Variants in ZC3H12B observed in about 807,000 individuals in gnomAD.
ZC3H12B encodes the protein probable ribonuclease ZC3H12B.
In ZC3H12B, 7 loss-of-function variants were observed where a neutral mutation model predicts 43.9. That is an observed-to-expected ratio of 0.16 (90% CI 0.09 to 0.30). ZC3H12B has a LOEUF of 0.30. ZC3H12B is among the 10% of genes least tolerant of loss of function. The pLI, the probability that ZC3H12B is intolerant of heterozygous loss-of-function variation, is 1.00. For synonymous variants in ZC3H12B, 222 were observed against 241.7 expected (o/e 0.92, Z 0.76); for missense variants, 475 against 670.2 (o/e 0.71, Z 3.22).
chrX:65,435,526 G>T (rs1199109546), intron 3 of ZC3H12B, among the ~76,000 whole-genome samples: 1 of 111,459 alleles, frequency 9.0e-6, no homozygotes, highest in African/African-American at 3.3e-5. Flanking sequence ...TAGAGAGCCA[G>T]TTCTAAAAAT....
intron 3 of ZC3H12B, among the ~76,000 whole-genome samples, chrX:65,459,679 A>C (rs940145319): frequency 8.9e-6 from 1 of 111,869 alleles, no homozygotes; most frequent in Non-Finnish European, 1.9e-5. Flanking sequence ...AAAATCTCTC[A>C]ATAAATTAGG....
intron 3 of ZC3H12B, among the ~76,000 whole-genome samples, chrX:65,417,072 A>G (rs2148076301): frequency 9.0e-6 from 1 of 111,606 alleles, no homozygotes; most frequent in Admixed American, 9.5e-5. Context: ...TTGGAGAAAT[A>G]TTTCCCAAGC....
the ZC3H12B span, among the ~76,000 whole-genome samples, chrX:65,163,787 C>A: frequency 9.0e-6 from 1 of 111,423 alleles, no homozygotes; most frequent in Non-Finnish European, 1.9e-5. Context: ...CTCTCCTGCA[C>A]CCACTGTCTG....
chrX:65,502,669 C>G, exon 5 of ZC3H12B: 1 of 1,209,606 alleles, frequency 8.3e-7, no homozygotes, highest in Non-Finnish European at 1.1e-6. Flanking sequence ...AGTCAGTCCC[C>G]CACTTAGCTC....
At chrX:65,092,783 T>C in the ZC3H12B span, among the ~76,000 whole-genome samples, 15 of 112,362 alleles carry the variant, frequency 1.3e-4, no homozygotes, top group Non-Finnish European at 2.6e-4. Flanking sequence ...TGTAAAAGTT[T>C]GGAAAATGTG....
At chrX:65,340,073 G>T in the ZC3H12B span, among the ~76,000 whole-genome samples, 24 of 111,820 alleles carry the variant, frequency 2.1e-4, no homozygotes, top group Non-Finnish European at 4.3e-4. Flanking sequence ...ACCCGTTCCT[G>T]CACCAACACT....
chrX:65,466,785 A>C (rs1403696120), intron 3 of ZC3H12B, among the ~76,000 whole-genome samples: 1 of 102,641 alleles, frequency 9.7e-6, no homozygotes, highest in Non-Finnish European at 2.0e-5. Flanking sequence ...GTGTTATCTC[A>C]TTGTGCTTTT....
At chrX:65,372,336 G>T (rs1405578433) in intron 2 of ZC3H12B, among the ~76,000 whole-genome samples, 1 of 111,451 alleles carries the variant, frequency 9.0e-6, no homozygotes, top group East Asian at 2.8e-4. Context: ...GTAAATGTAG[G>T]TATCAAATAT....
chrX:65,375,068 C>G (rs934891644), intron 2 of ZC3H12B, among the ~76,000 whole-genome samples: 2 of 111,804 alleles, frequency 1.8e-5, no homozygotes, highest in African/African-American at 6.5e-5. Flanking sequence ...TCCTTCTCCA[C>G]TATCCTCTAG....
the ZC3H12B span, among the ~76,000 whole-genome samples, chrX:65,231,386 G>C: frequency 1.8e-5 from 2 of 111,339 alleles, no homozygotes; most frequent in East Asian, 5.6e-4. Context: ...AACAGGGTTC[G>C]AGAGCAGACA....
the ZC3H12B span, among the ~76,000 whole-genome samples, chrX:65,160,382 A>T: frequency 9.0e-6 from 1 of 111,487 alleles, no homozygotes; most frequent in Non-Finnish European, 1.9e-5. Context: ...CTGTGAATCC[A>T]TCTGGTCCTG....
chrX:65,171,070 G>T, the ZC3H12B span, among the ~76,000 whole-genome samples: 1 of 111,753 alleles, frequency 8.9e-6, no homozygotes, highest in Non-Finnish European at 1.9e-5. Context: ...ATCCAGCTTT[G>T]TTCCATTGCT....
At chrX:65,291,796 T>C in the ZC3H12B span, among the ~76,000 whole-genome samples, 10 of 112,248 alleles carry the variant, frequency 8.9e-5, no homozygotes, top group Admixed American at 5.7e-4. Flanking sequence ...TTAAGTACTT[T>C]TACCAAAATA....
At chrX:65,159,347 A>G in the ZC3H12B span, among the ~76,000 whole-genome samples, 2 of 111,543 alleles carry the variant, frequency 1.8e-5, no homozygotes, top group East Asian at 2.8e-4. Context: ...GAATCTATAA[A>G]TTACCTTGGG....
At chrX:65,253,673 G>A in the ZC3H12B span, among the ~76,000 whole-genome samples, 1 of 111,920 alleles carries the variant, frequency 8.9e-6, no homozygotes, top group Non-Finnish European at 1.9e-5. Context: ...GCTTGGCCAC[G>A]CCTGCTTGCA....
At chrX:65,059,221 C>CA in the ZC3H12B span, among the ~76,000 whole-genome samples, 10 of 59,279 alleles carry the variant, frequency 1.7e-4, no homozygotes, top group African/African-American at 7.2e-4. Context: ...TTGGAACCAC[C>CA]CCCCCCCCGC....
chrX:65,048,861 G>T, the ZC3H12B span, among the ~76,000 whole-genome samples: 1 of 110,434 alleles, frequency 9.1e-6, no homozygotes, highest in Non-Finnish European at 1.9e-5. Context: ...TTTTAATCAT[G>T]GCCATTTTAA....
chrX:65,134,475 T>G, the ZC3H12B span, among the ~76,000 whole-genome samples: 3 of 111,318 alleles, frequency 2.7e-5, no homozygotes, highest in African/African-American at 9.8e-5. Flanking sequence ...GAAAAAGAAC[T>G]GGAATTGGAA....
At chrX:65,173,382 C>T in the ZC3H12B span, among the ~76,000 whole-genome samples, 2 of 111,523 alleles carry the variant, frequency 1.8e-5, no homozygotes, top group African/African-American at 3.3e-5. Flanking sequence ...GACAGTTTGT[C>T]TTTCTCTCTT....
Sources: gnomAD v4.1 joint callset for allele counts (sites outside exome capture counted in the v4.1 genomes callset) on GRCh38, gnomAD v4.1.1 for gene constraint, MANE v1.5 for transcripts, NCBI Gene and HGNC (gene_info 2026-07-23, HGNC 2026-07-21) for gene names.